Variants in CORIN observed in about 807,000 individuals in gnomAD.
CORIN encodes corin, serine peptidase.
Under a neutral mutation model 125.3 loss-of-function variants are expected in CORIN, and 117 were observed. The ratio of observed to expected loss-of-function variants is 0.93; its 90% CI spans 0.80 to 1.09. The LOEUF is 1.09. CORIN is among the 50% of genes least tolerant of loss of function. CORIN has a pLI of 0.00. For synonymous variants in CORIN, 450 were observed against 466.4 expected, an observed-to-expected ratio of 0.96 and a Z score of 0.45; for missense variants, 1,253 against 1,306.7, an observed-to-expected ratio of 0.96 and a Z score of 0.63.
intron 4 of CORIN, among the ~76,000 whole-genome samples, chr4:47,755,766 C>A (rs982982674): frequency 2.6e-5 from 4 of 152,104 alleles, no homozygotes; most frequent in African/African-American, 9.7e-5. Context: ...TTATCCAAGT[C>A]GCCTTAAAGT....
intron 2 of CORIN, among the ~76,000 whole-genome samples, chr4:47,805,149 AAT>A (rs1431984236): frequency 1.7e-4 from 23 of 135,122 alleles, no homozygotes; most frequent in African/African-American, 6.5e-4. Flanking sequence ...AAAAAAAAAA[AAT>A]AATAATAATA....
At chr4:47,803,582 G>A (rs1731638274) in intron 2 of CORIN, among the ~76,000 whole-genome samples, 1 of 152,146 alleles carries the variant, frequency 6.6e-6, no homozygotes, top group South Asian at 2.1e-4. Context: ...TTTCAATAAA[G>A]ATGCCAAGAA....
chr4:47,597,841 T>A (rs2109498064), intron 21 of CORIN, among the ~76,000 whole-genome samples: 1 of 152,294 alleles, frequency 6.6e-6, no homozygotes, highest in East Asian at 1.9e-4. Context: ...AACAAACGAA[T>A]AAGGCACTGT....
intron 1 of CORIN, among the ~76,000 whole-genome samples, chr4:47,826,794 A>G (rs1243337450): frequency 1.3e-5 from 2 of 152,172 alleles, no homozygotes; most frequent in East Asian, 3.8e-4. Flanking sequence ...TGTTCGGAAC[A>G]TCTCGCTCCA....
chr4:47,687,189 A>G (rs914794057), intron 6 of CORIN, among the ~76,000 whole-genome samples: 3 of 152,224 alleles, frequency 2.0e-5, no homozygotes, highest in Non-Finnish European at 2.9e-5. Flanking sequence ...TTACTTCCCT[A>G]AGGTCTGTGT....
intron 10 of CORIN, among the ~76,000 whole-genome samples, chr4:47,669,637 G>C (rs940058930): frequency 4.7e-5 from 7 of 149,426 alleles, no homozygotes; most frequent in Admixed American, 3.3e-4. Context: ...GGCACGATCT[G>C]GGCTCACTGC....
At chr4:47,727,650 T>G (rs1727660079) in intron 5 of CORIN, among the ~76,000 whole-genome samples, 1 of 151,930 alleles carries the variant, frequency 6.6e-6, no homozygotes, top group African/African-American at 2.4e-5. Flanking sequence ...ATTCTGTAGG[T>G]GAAAGGAAAT....
At chr4:47,802,069 G>A (rs534017531) in intron 2 of CORIN, among the ~76,000 whole-genome samples, 9 of 152,210 alleles carry the variant, frequency 5.9e-5, no homozygotes, top group African/African-American at 2.2e-4. Context: ...GCAGAGACCT[G>A]GCAGGAGTCA....
intron 21 of CORIN, among the ~76,000 whole-genome samples, chr4:47,598,784 A>G (rs931868119): frequency 2.0e-5 from 3 of 152,166 alleles, no homozygotes; most frequent in Non-Finnish European, 4.4e-5. Flanking sequence ...GTTGATTGTG[A>G]TAATTAAATG....
rs187380579 is a variant in CORIN, at chr4:47,763,790, C to T, written c.410-204G>A. Among the ~76,000 whole-genome samples the T allele has an allele frequency of 1.5e-3, 223 of 151,226 alleles. 1 individual carries two copies. The highest frequency in any genetic ancestry group is 5.2e-3 in the African/African-American group (215 of 41,172). Reference sequence around the variant, plus strand: ...CAAATATTTACAGAGGAAAAGCATTCGTGTCCTGGGAAAATGTGTGGAAAA... The same window carrying T: ...CAAATATTTACAGAGGAAAAGCATTTGTGTCCTGGGAAAATGTGTGGAAAA... On this transcript the variant is annotated intron_variant, in intron 3 of 21. Transcript: ENST00000273857.
chr4:47,665,588 ATCT>A (rs1334517278), intron 10 of CORIN, among the ~76,000 whole-genome samples: 2 of 152,130 alleles, frequency 1.3e-5, no homozygotes, highest in Non-Finnish European at 2.9e-5. Context: ...ACTCCAATTC[ATCT>A]TCTTCTTCTG....
chr4:47,819,630 C>T (rs746281805), intron 1 of CORIN, among the ~76,000 whole-genome samples: 1 of 152,050 alleles, frequency 6.6e-6, no homozygotes, highest in Non-Finnish European at 1.5e-5. Flanking sequence ...GGAAGGATAA[C>T]GGGAGAGGAG....
chr4:47,814,605 T>C (rs1015610727), intron 1 of CORIN, among the ~76,000 whole-genome samples: 2 of 152,178 alleles, frequency 1.3e-5, no homozygotes, highest in Non-Finnish European at 2.9e-5. Context: ...TGCAATTCTC[T>C]GCAATAATAG....
intron 11 of CORIN, among the ~76,000 whole-genome samples, chr4:47,664,663 G>A (rs1724393305): frequency 6.6e-6 from 1 of 152,136 alleles, no homozygotes. Flanking sequence ...CTGTCAGAGT[G>A]CAGCATTGTA....
At chr4:47,825,187 C>CA (rs1732687430) in intron 1 of CORIN, among the ~76,000 whole-genome samples, 1 of 152,214 alleles carries the variant, frequency 6.6e-6, no homozygotes, top group South Asian at 2.1e-4. Context: ...CCTTAGCAAC[C>CA]AATTGCTGGG....
intron 16 of CORIN, among the ~76,000 whole-genome samples, chr4:47,635,496 C>T (rs1218295642): frequency 1.3e-5 from 2 of 152,046 alleles, no homozygotes; most frequent in Non-Finnish European, 2.9e-5. Flanking sequence ...GCAAAAATAA[C>T]GGTGAAGGAA....
At chr4:47,818,690 T>A (rs1035828611) in intron 1 of CORIN, among the ~76,000 whole-genome samples, 1 of 151,920 alleles carries the variant, frequency 6.6e-6, no homozygotes, top group African/African-American at 2.4e-5. Flanking sequence ...CTGGGCAACA[T>A]GGCAAAAACT....
At chr4:47,780,251 T>C (rs1040023869) in intron 3 of CORIN, among the ~76,000 whole-genome samples, 5 of 152,090 alleles carry the variant, frequency 3.3e-5, no homozygotes, top group African/African-American at 4.8e-5. Flanking sequence ...TATATGTTCA[T>C]ATAAGATTGT....
rs565712347 is a variant in CORIN, at chr4:47,733,397, A to C, written c.799+11005T>G. ...TTTCTTCCAAATAAACCCACAATTC[A>C]ATAGGAGAAATTCGGACTATGTGTT... On this transcript the variant is annotated intron_variant, in intron 5 of 21. Coordinates refer to ENST00000273857, the MANE Select transcript of CORIN (RefSeq NM_006587.4). Among the ~76,000 whole-genome samples the C allele has an allele frequency of 5.9e-5, 9 of 152,362 alleles. 1 individual carries two copies. The South Asian group carries it at 1.9e-3, about 32-fold the overall frequency.
Sources: gnomAD v4.1 joint callset for allele counts (sites outside exome capture counted in the v4.1 genomes callset) on GRCh38, gnomAD v4.1.1 for gene constraint, MANE v1.5 for transcripts, NCBI Gene and HGNC (gene_info 2026-07-23, HGNC 2026-07-21) for gene names.